PDK1: variants seen among roughly 807,000 people sequenced by gnomAD.
PDK1 encodes [Pyruvate dehydrogenase (acetyl-transferring)] kinase isozyme 1, mitochondrial.
PDK1 carries 39 observed loss-of-function variants against 54.2 expected under a neutral mutation model. That is an observed-to-expected ratio of 0.72 (90% CI 0.56 to 0.94). PDK1 has a LOEUF of 0.94. Among genes scored for constraint, PDK1 ranks in the 40% least tolerant of loss-of-function variants. PDK1 has a pLI of 0.00. For missense variants in PDK1, 552 were observed against 566.0 expected, an observed-to-expected ratio of 0.98 and a Z score of 0.25; for synonymous variants, 221 against 207.1, an observed-to-expected ratio of 1.07 and a Z score of -0.58.
the PDK1 span, among the ~76,000 whole-genome samples, chr2:172,621,546 A>T: frequency 1.4e-4 from 21 of 146,274 alleles, no homozygotes; most frequent in Non-Finnish European, 7.5e-5. Flanking sequence ...TATATATATT[A>T]TATATATATG....
chr2:172,648,691 C>T, the PDK1 span, among the ~76,000 whole-genome samples: 112 of 152,312 alleles, frequency 7.4e-4, no homozygotes, highest in Non-Finnish European at 1.3e-3. Flanking sequence ...TTATATCCCG[C>T]GCCTGGCTCG....
chr2:172,593,097 C>T, intron 10 of PDK1, 49 bp downstream of exon 10: 1 of 944,630 alleles, frequency 1.1e-6, no homozygotes. Context: ...ATGATAAGAA[C>T]AGATGTCCAT....
chr2:172,699,403 G>A, the PDK1 span, among the ~76,000 whole-genome samples: 1 of 151,662 alleles, frequency 6.6e-6, no homozygotes, highest in Non-Finnish European at 1.5e-5. Flanking sequence ...AAACTCTTCC[G>A]TCCCTGCAAG....
At chr2:172,690,007 A>G in the PDK1 span, among the ~76,000 whole-genome samples, 1 of 150,386 alleles carries the variant, frequency 6.6e-6, no homozygotes, top group Non-Finnish European at 1.5e-5. Context: ...AATGGGGTCT[A>G]ATTAAACTAA....
chr2:172,628,725 ATTAT>A, the PDK1 span, among the ~76,000 whole-genome samples: 1 of 152,060 alleles, frequency 6.6e-6, no homozygotes, highest in Non-Finnish European at 1.5e-5. Flanking sequence ...ACTCTGGTTC[ATTAT>A]TTCTGACTGT....
At chr2:172,584,881 G>A (rs1690130373) in intron 8 of PDK1, among the ~76,000 whole-genome samples, 1 of 149,620 alleles carries the variant, frequency 6.7e-6, no homozygotes, top group South Asian at 2.1e-4. Flanking sequence ...TACTGCCCAG[G>A]CTGGTCTGGA....
intron 10 of PDK1, among the ~76,000 whole-genome samples, chr2:172,594,094 A>G (rs1574536779): frequency 6.7e-6 from 1 of 150,350 alleles, no homozygotes. Context: ...CTGGAGTGCA[A>G]TGGCATGATC....
the PDK1 span, among the ~76,000 whole-genome samples, chr2:172,662,482 C>T: frequency 6.6e-5 from 3 of 45,326 alleles, no homozygotes; most frequent in Non-Finnish European, 1.8e-4. Flanking sequence ...AAAGGGAAGA[C>T]TTTTTAAAAT....
chr2:172,618,505 C>T, the PDK1 span, among the ~76,000 whole-genome samples: 1 of 152,112 alleles, frequency 6.6e-6, no homozygotes, highest in East Asian at 1.9e-4. Context: ...AGTAAAATTG[C>T]TGTGTGAGAA....
chr2:172,629,605 A>G, the PDK1 span, among the ~76,000 whole-genome samples: 14 of 152,082 alleles, frequency 9.2e-5, no homozygotes, highest in Admixed American at 5.2e-4. Context: ...CCACCCTTCA[A>G]TTTGTTCGTG....
At chr2:172,645,507 C>T in the PDK1 span, among the ~76,000 whole-genome samples, 1 of 152,028 alleles carries the variant, frequency 6.6e-6, no homozygotes, top group South Asian at 2.1e-4. Flanking sequence ...GATCCACCTG[C>T]CTTGGCCTCC....
intron 8 of PDK1, among the ~76,000 whole-genome samples, chr2:172,582,548 G>A (rs1689968982): frequency 6.6e-6 from 1 of 152,176 alleles, no homozygotes; most frequent in African/African-American, 2.4e-5. Context: ...TGGCCTTCCT[G>A]TTGACATTAC....
At chr2:172,708,333 C>T in the PDK1 span, among the ~76,000 whole-genome samples, 1 of 150,594 alleles carries the variant, frequency 6.6e-6, no homozygotes. Flanking sequence ...TAAATTAAAA[C>T]TATGGTTGCT....
At chr2:172,705,938 A>G in the PDK1 span, among the ~76,000 whole-genome samples, 1 of 152,206 alleles carries the variant, frequency 6.6e-6, no homozygotes, top group Non-Finnish European at 1.5e-5. Flanking sequence ...TTACTTTGAG[A>G]GGAAGAAGGC....
At chr2:172,583,281 GTTTTTTTTTTTTTT>G (rs1175087926) in intron 8 of PDK1, among the ~76,000 whole-genome samples, 19 of 77,058 alleles carry the variant, frequency 2.5e-4, no homozygotes, top group South Asian at 5.3e-4. Flanking sequence ...AAGTTTTCTG[GTTTTTTTTTTTTTT>G]TTTTTTTTTT....
the PDK1 span, among the ~76,000 whole-genome samples, chr2:172,667,957 C>T: frequency 1.3e-5 from 2 of 152,196 alleles, no homozygotes; most frequent in African/African-American, 2.4e-5. Flanking sequence ...TATGCTTTGC[C>T]AGAGCAAAAG....
At chr2:172,617,154 T>C in the PDK1 span, among the ~76,000 whole-genome samples, 1 of 152,066 alleles carries the variant, frequency 6.6e-6, no homozygotes, top group African/African-American at 2.4e-5. Context: ...ATTTTCACCA[T>C]GTTGGCCAGG....
the PDK1 span, among the ~76,000 whole-genome samples, chr2:172,669,684 G>A: frequency 3.3e-5 from 5 of 152,046 alleles, no homozygotes; most frequent in Admixed American, 3.3e-4. Flanking sequence ...CACTTGTTTT[G>A]GTAATAGCAA....
chr2:172,717,277 G>C, the PDK1 span, among the ~76,000 whole-genome samples: 3 of 152,218 alleles, frequency 2.0e-5, no homozygotes, highest in Admixed American at 6.5e-5. Flanking sequence ...TCAAGCTCCA[G>C]ATGGATCTTG....
Sources: allele counts gnomAD v4.1 joint callset (sites outside exome capture counted in the v4.1 genomes callset), GRCh38; gene constraint gnomAD v4.1.1; transcripts MANE v1.5; gene names NCBI Gene and HGNC (gene_info 2026-07-23, HGNC 2026-07-21).